Variants in PRR12 observed in about 807,000 individuals in gnomAD.
PRR12 encodes the protein proline-rich protein 12.
In PRR12, 12 loss-of-function variants were observed where a neutral mutation model predicts 138.0. That is an observed-to-expected ratio of 0.09 (90% CI 0.06 to 0.14). The LOEUF (loss-of-function observed/expected upper bound fraction) is 0.14, where lower values mean the gene tolerates loss of function less well. PRR12 is among the 10% of genes least tolerant of loss of function. The pLI, the probability that PRR12 is intolerant of heterozygous loss-of-function variation, is 1.00. For missense variants in PRR12, 2,692 were observed against 2,861.3 expected (o/e 0.94, Z 1.35); for synonymous variants, 1,567 against 1,291.7 (o/e 1.21, Z -4.57).
chr19:49,611,616 C>T lies in PRR12; in HGVS notation c.4774-2917C>T, dbSNP rs971173408. ...TCACGTCACTGTACTCCACCCTAGGCGAAACTCTATCTAAAAAAAAAAAAA... is the reference window on the plus strand; with the variant it reads ...TCACGTCACTGTACTCCACCCTAGGTGAAACTCTATCTAAAAAAAAAAAAA... On this transcript the variant is annotated intron_variant, in intron 6 of 13. Transcript: ENST00000418929. Among the ~76,000 whole-genome samples, 9 of 141,676 alleles carry T rather than the reference C, an allele frequency of 6.4e-5. No homozygotes were observed. In the South Asian group the frequency reaches 6.7e-4, roughly 11 times the overall value. The allele number at this position is 141,676 out of a possible 152,430, so 92.9% of individuals were successfully genotyped here.
At chr19:49,598,044 G>C in intron 4 of PRR12, 31 bp downstream of exon 4, 1 of 1,309,618 alleles carries the variant, frequency 7.6e-7, no homozygotes, top group African/African-American at 1.5e-5. Context: ...GTAGGGGATA[G>C]GGGAGGAGGA....
Position 49,597,038 on chromosome 19 carries a change from A to G in PRR12, c.2703A>G (p.Pro901=), listed in dbSNP as rs3745475. The part of the protein sequence containing the change: ...PPAPGDTGVG[P]PNSEGKDPAG... ...CGCCTGGGGATACTGGCGTAGGCCC[A>G]CCAAACTCGGAGGGCAAGGATCCCG... Residue 901 remains proline, a synonymous_variant, in exon 4 of 14, where the codon CCA becomes CCG. Coordinates refer to ENST00000418929, the MANE Select transcript of PRR12 (RefSeq NM_020719.3). The surrounding 1 kb of genome is among the most constrained non-coding windows in gnomAD (Gnocchi z 6.3). The G allele has an allele frequency of 0.26, 405,176 of 1,556,006 alleles. 59,526 individuals are homozygous for G. The highest frequency in any genetic ancestry group is 0.59 in the African/African-American group (43,268 of 73,328).
Position 49,601,755 on chromosome 19 carries a change from A to G in PRR12, c.4610A>G (p.Asp1537Gly). Residue 1537 changes from aspartate to glycine, a missense_variant, in exon 6 of 14, where the codon GAC (aspartate) becomes GGC (glycine). Coordinates refer to ENST00000418929, the MANE Select transcript of PRR12 (RefSeq NM_020719.3). Reference protein sequence around the residue: ...PEEPAAPSPEDPELPDTRPLH... With the variant: ...PEEPAAPSPEGPELPDTRPLH... ...GAGCCCGCCGCCCCGTCTCCCGAAG[A>G]CCCCGAGCTGCCGGACACCCGGCCC... The G allele has an allele frequency of 6.3e-7, 1 of 1,577,740 alleles. No homozygotes were observed.
intron 11 of PRR12, among the ~76,000 whole-genome samples, chr19:49,623,746 G>T (rs1234344964): frequency 2.0e-5 from 3 of 151,574 alleles, no homozygotes; most frequent in East Asian, 1.9e-4. Context: ...GTTAGGATGG[G>T]GCCGAGAATT....
intron 6 of PRR12, among the ~76,000 whole-genome samples, chr19:49,611,711 C>T (rs2080866959): frequency 6.8e-6 from 1 of 148,014 alleles, no homozygotes; most frequent in Admixed American, 6.7e-5. Context: ...ATCATGAGGT[C>T]AGGAGATCGA....
At chr19:49,600,193 G>A (rs1599790025) in intron 5 of PRR12, among the ~76,000 whole-genome samples, 1 of 152,298 alleles carries the variant, frequency 6.6e-6, no homozygotes, top group East Asian at 1.9e-4. Flanking sequence ...AGACAGGGCA[G>A]GTGATAAGTT....
chr19:49,616,311 G>A lies in PRR12; in HGVS notation c.5497+92G>A, dbSNP rs1599800185. Reference sequence around the variant, plus strand: ...AGAGGGCTCCAGGTAGCCTTGGCAGGACAGTAAGAACCAGTATGTTACAGA... The same window carrying A: ...AGAGGGCTCCAGGTAGCCTTGGCAGAACAGTAAGAACCAGTATGTTACAGA... On this transcript the variant is annotated intron_variant, in intron 9 of 13. Coordinates refer to ENST00000418929, the MANE Select transcript of PRR12 (RefSeq NM_020719.3). This position sits in a 1 kb window ranked among gnomAD's most constrained non-coding sequence, Gnocchi z 4.2. 1.7e-6 allele frequency: 2 copies of A among 1,171,946 alleles called. No homozygotes were observed. Among genetic ancestry groups the A allele is most frequent in the East Asian group, 2.6e-5 (1 of 38,272 alleles). 72.6% of individuals were successfully genotyped at this position (1,171,946 alleles called of 1,614,324 possible).
At position 49,595,393 on chromosome 19, in the gene PRR12, G is replaced by T. The variant is rs1430810228; in HGVS notation, c.1058G>T (p.Gly353Val). The change falls in exon 4 of 14, where the codon GGA (glycine) becomes GTA (valine). Residue 353 changes from glycine (G) to valine (V), a missense_variant. Coordinates refer to ENST00000418929, the MANE Select transcript of PRR12 (RefSeq NM_020719.3). ...GAGCCTAGCAAGGCTGGTCCCAGCG[G>T]AGCCACGGCTGGGGCATCTGGCCGG... ...AGEPSKAGPS[G>V]ATAGASGRAT... is the part of the protein sequence containing the mutation. 6.5e-7 allele frequency: 1 copy of T among 1,542,534 alleles called. No homozygotes were observed. The highest frequency in any genetic ancestry group is 8.7e-7 in the Non-Finnish European group (1 of 1,143,702).
rs1439882457 is a variant in PRR12, at chr19:49,597,060, C to T, written c.2725C>T (p.Pro909Ser). ...CCCACCAAACTCGGAGGGCAAGGATCCCGCAGGCGCCTACCGCAGCCCCAG... is the reference window on the plus strand; with the variant it reads ...CCCACCAAACTCGGAGGGCAAGGATTCCGCAGGCGCCTACCGCAGCCCCAG... ...VGPPNSEGKD[P>S]AGAYRSPSPQ... Residue 909 changes from proline to serine, a missense_variant, in exon 4 of 14, where the codon CCC becomes TCC. This residue lies in a region of PRR12 where 840 missense variants were observed against 689.8 expected (regional missense o/e 1.22). Coordinates refer to ENST00000418929, the MANE Select transcript of PRR12 (RefSeq NM_020719.3). This position sits in a 1 kb window ranked among gnomAD's most constrained non-coding sequence, Gnocchi z 6.3. 1.3e-6 allele frequency: 2 copies of T among 1,553,002 alleles called. No homozygotes were observed. Among genetic ancestry groups the T allele is most frequent in the African/African-American group, 1.4e-5 (1 of 73,228 alleles).
In PRR12 at chr19:49,598,788, G is replaced by A. The variant is rs1376030793; in HGVS notation, c.3679-484G>A. ...AGGGAGCTATGATTGCATCACTGTG[G>A]CCTGGGCCACAGAGTGAGACCCTGT... On this transcript the variant is annotated intron_variant, in intron 4 of 13. Transcript: ENST00000418929. Among the ~76,000 whole-genome samples the A allele has an allele frequency of 2.0e-5, 3 of 152,196 alleles. No individual in the cohort carries two copies. In the East Asian group the frequency reaches 5.8e-4, roughly 29 times the overall value.
In PRR12 at chr19:49,595,942, G is replaced by A; in HGVS notation, c.1607G>A (p.Gly536Asp). The change falls in exon 4 of 14, where the codon GGC becomes GAC. Residue 536 changes from glycine to aspartate, a missense_variant. Around this residue, in one of 11 missense-constraint regions of PRR12, gnomAD observed 523 missense variants for 496.4 expected, o/e 1.05. Transcript: ENST00000418929. ...TASPSLSYST[G>D]HSPALSGHGG... is the part of the protein sequence containing the mutation. ...AGCCCCTCGCTCAGCTACAGTACCG[G>A]CCATTCCCCAGCGCTCTCGGGCCAT... The A allele has an allele frequency of 6.2e-7, 1 of 1,601,322 alleles. No homozygotes were observed. The highest frequency in any genetic ancestry group is 8.5e-7 in the Non-Finnish European group (1 of 1,179,660).
intron 11 of PRR12, among the ~76,000 whole-genome samples, chr19:49,622,846 C>T (rs540603232): frequency 3.4e-3 from 466 of 138,104 alleles, no homozygotes; most frequent in Admixed American, 5.6e-3. Flanking sequence ...GAGGCGAGAT[C>T]GTGCCACTGC....
intron 11 of PRR12, 65 bp from the exon 12 acceptor site, chr19:49,624,779 T>C: frequency 6.4e-7 from 1 of 1,571,438 alleles, no homozygotes; most frequent in Non-Finnish European, 8.6e-7. Context: ...ATCTGAGACC[T>C]GGCTGTTGGG....
Position 49,625,574 on chromosome 19 carries a change from G to C in PRR12, c.6078G>C (p.Leu2026=), listed in dbSNP as rs778961948. 1.2e-6 allele frequency: 2 copies of C among 1,611,822 alleles called. No homozygotes were observed. Residue 2026 remains leucine, a synonymous_variant, in exon 14 of 14, where the codon CTG becomes CTC. Transcript: ENST00000418929. The surrounding 1 kb of genome is among the most constrained non-coding windows in gnomAD (Gnocchi z 5.5). ...TCTTTGACTCCTTCAGTGACCTGCT[G>C]GCCCAAGCACAGGCCCACAGCCGCT... ...EQLFDSFSDL[L]AQAQAHSRCG
At position 49,596,919 on chromosome 19, in the gene PRR12, G is replaced by A. The variant is rs561948365; in HGVS notation, c.2584G>A (p.Ala862Thr). Residue 862 changes from alanine (A) to threonine (T), a missense_variant, in exon 4 of 14, where the codon GCG becomes ACG. By Grantham distance (58) the Ala-to-Thr change is moderately conservative. This residue lies in a region of PRR12 where 840 missense variants were observed against 689.8 expected (regional missense o/e 1.22). Transcript: ENST00000418929. This position sits in a 1 kb window ranked among gnomAD's most constrained non-coding sequence, Gnocchi z 5.6. ...AHLRSHGLEPAAPSPRLRPEE... is the reference protein window; with the variant it reads ...AHLRSHGLEPTAPSPRLRPEE... ...CCTCCGCAGCCATGGCCTGGAGCCC[G>A]CGGCCCCCAGCCCCCGCCTGCGACC... 57 of 1,316,904 alleles carry A rather than the reference G, an allele frequency of 4.3e-5. No individual in the cohort carries two copies. The South Asian group carries it at 4.9e-4, about 11-fold the overall frequency. The allele number at this position is 1,316,904 out of a possible 1,614,324, so 81.6% of individuals were successfully genotyped here.
In PRR12 at chr19:49,594,573, T is replaced by G. The variant is rs2080751427; in HGVS notation, c.319T>G (p.Ser107Ala). The change falls in exon 3 of 14, where the codon TCC becomes GCC. Residue 107 changes from serine to alanine, a missense_variant. By Grantham distance (99) the Ser-to-Ala change is moderately conservative. This residue lies in a region of PRR12 where 211 missense variants were observed against 266.3 expected (regional missense o/e 0.79). Transcript: ENST00000418929. The surrounding 1 kb of genome is among the most constrained non-coding windows in gnomAD (Gnocchi z 5.6). Reference sequence around the variant, plus strand: ...GGGCCCCCAGCCTGGCCCCTCCGCCTCCTCTCTCCTCTCCCAGTTCCGCAG... The same window carrying G: ...GGGCCCCCAGCCTGGCCCCTCCGCCGCCTCTCTCCTCTCCCAGTTCCGCAG... ...SRGPQPGPSA[S>A]SLLSQFRSPS... 3 of 1,612,702 alleles carry G rather than the reference T, an allele frequency of 1.9e-6. No homozygotes were observed. The highest frequency in any genetic ancestry group is 2.5e-6 in the Non-Finnish European group (3 of 1,179,672).
chr19:49,591,811 GCC>G lies in PRR12; in HGVS notation c.86+72_86+73del, dbSNP rs1229585232. ...GCCCAGCCGGGCCGGGCCGGGCCGG[GCC>G]GGGCCCGCCCGGCGACGCGTGCATC... On this transcript the variant is annotated intron_variant, in intron 1 of 13. Transcript: ENST00000418929. The G allele has an allele frequency of 5.1e-5, 48 of 947,432 alleles. 1 individual carries two copies. The South Asian group carries it at 1.6e-3, about 32-fold the overall frequency. 58.7% of individuals were successfully genotyped at this position (947,432 alleles called of 1,614,324 possible).
In PRR12 at chr19:49,597,237, C is replaced by A. The variant is rs369345532; in HGVS notation, c.2902C>A (p.Pro968Thr). 6.4e-7 allele frequency: 1 copy of A among 1,570,312 alleles called. No individual in the cohort carries two copies. The highest frequency in any genetic ancestry group is 8.6e-7 in the Non-Finnish European group (1 of 1,158,078). The change falls in exon 4 of 14, where the codon CCT becomes ACT. Residue 968 changes from proline to threonine, a missense_variant. Around this residue, in one of 11 missense-constraint regions of PRR12, gnomAD observed 840 missense variants for 689.8 expected, o/e 1.22. Coordinates refer to ENST00000418929, the MANE Select transcript of PRR12 (RefSeq NM_020719.3). This position sits in a 1 kb window ranked among gnomAD's most constrained non-coding sequence, Gnocchi z 6.3. ...GGACGACTACGGCAAGGCCGGGCCACCTGAGGACGAGGGGGACCCCAAGGC... is the reference window on the plus strand; with the variant it reads ...GGACGACTACGGCAAGGCCGGGCCAACTGAGGACGAGGGGGACCCCAAGGC... Reference protein sequence around the residue: ...AADDYGKAGPPEDEGDPKAGA... With the variant: ...AADDYGKAGPTEDEGDPKAGA...
At position 49,615,864 on chromosome 19, in the gene PRR12, C is replaced by G; in HGVS notation, c.5142C>G (p.Pro1714=). The G allele has an allele frequency of 6.3e-7, 1 of 1,599,946 alleles. No individual in the cohort carries two copies. Among genetic ancestry groups the G allele is most frequent in the Non-Finnish European group, 8.5e-7 (1 of 1,173,670 alleles). The change falls in exon 9 of 14, where the codon CCC becomes CCG. Residue 1714 remains proline, a synonymous_variant. Coordinates refer to ENST00000418929, the MANE Select transcript of PRR12 (RefSeq NM_020719.3). ...CTGAAAAGACGACATCTGAGAAGCC[C>G]CCAGAGCAGACTCCTGAGACGGCCA... ...ETPEKTTSEK[P]PEQTPETAMP...
Sources: gnomAD v4.1 joint callset for allele counts (sites outside exome capture counted in the v4.1 genomes callset) on GRCh38, gnomAD v4.1.1 for gene constraint, gnomAD v4.1.1 regional missense constraint, Gnocchi (gnomAD v3.1) non-coding constraint, MANE v1.5 for transcripts, NCBI Gene and HGNC (gene_info 2026-07-23, HGNC 2026-07-21) for gene names.